The following WDFY4 variants were observed in gnomAD, a reference collection of about 807,000 sequenced individuals.
WDFY4 encodes WD repeat- and FYVE domain-containing protein 4.
Under a neutral mutation model 351.9 loss-of-function variants are expected in WDFY4, and 169 were observed. That is an observed-to-expected ratio of 0.48 (90% CI 0.42 to 0.55). WDFY4 has a LOEUF of 0.55. Among genes scored for constraint, WDFY4 ranks in the 20% least tolerant of loss-of-function variants. WDFY4 has a pLI of 0.00. For synonymous variants in WDFY4, 1,622 were observed against 1,574.6 expected, an observed-to-expected ratio of 1.03 and a Z score of -0.71; for missense variants, 3,803 against 3,935.6, an observed-to-expected ratio of 0.97 and a Z score of 0.90.
At chr10:48,701,672 G>T (rs2063484184) in intron 1 of WDFY4, among the ~76,000 whole-genome samples, 1 of 152,206 alleles carries the variant, frequency 6.6e-6, no homozygotes, top group Non-Finnish European at 1.5e-5. Context: ...GAAAGAGGAA[G>T]TGTGGTTAAG....
At chr10:48,845,903 G>A (rs1157344186) in intron 39 of WDFY4, among the ~76,000 whole-genome samples, 1 of 152,220 alleles carries the variant, frequency 6.6e-6, no homozygotes, top group Non-Finnish European at 1.5e-5. Flanking sequence ...GTAGGCAAGA[G>A]GGTACATGCA....
chr10:48,836,481 A>G (rs1056079344), intron 39 of WDFY4, among the ~76,000 whole-genome samples: 3 of 152,206 alleles, frequency 2.0e-5, no homozygotes, highest in African/African-American at 7.2e-5. Flanking sequence ...TGGAGGAAAC[A>G]TTATTCATTT....
intron 47 of WDFY4, among the ~76,000 whole-genome samples, chr10:48,902,519 A>G (rs1481140621): frequency 6.6e-6 from 1 of 152,020 alleles, no homozygotes; most frequent in African/African-American, 2.4e-5. Context: ...CATTCAAGAT[A>G]TTTATAATCA....
intron 13 of WDFY4, among the ~76,000 whole-genome samples, chr10:48,771,878 A>G (rs981665201): frequency 6.6e-6 from 1 of 152,206 alleles, no homozygotes; most frequent in African/African-American, 2.4e-5. Context: ...GAGGACTCCA[A>G]GAAAGCTCTT....
intron 19 of WDFY4, among the ~76,000 whole-genome samples, chr10:48,783,784 A>G (rs1330056696): frequency 6.6e-6 from 1 of 152,238 alleles, no homozygotes; most frequent in Non-Finnish European, 1.5e-5. Flanking sequence ...CCTAGGCTAT[A>G]AACCTAGACA....
At chr10:48,934,728 C>T (rs1379230796) in intron 47 of WDFY4, among the ~76,000 whole-genome samples, 3 of 152,180 alleles carry the variant, frequency 2.0e-5, no homozygotes, top group East Asian at 1.9e-4. Context: ...CCCTCCTGAA[C>T]GAAGAAGCAG....
intron 2 of WDFY4, among the ~76,000 whole-genome samples, chr10:48,714,427 A>C (rs1589437804): frequency 6.6e-6 from 1 of 152,352 alleles, no homozygotes; most frequent in South Asian, 2.1e-4. Context: ...CATGGAAGCA[A>C]CACAGAGCCA....
At chr10:48,824,049 G>A in intron 35 of WDFY4, 19 of 985,430 alleles carry the variant, frequency 1.9e-5, no homozygotes, top group Non-Finnish European at 2.2e-5. Flanking sequence ...TTCTTTTCAT[G>A]GAAGCCAAAC....
At chr10:48,693,511 G>T (rs887326811) in intron 1 of WDFY4, among the ~76,000 whole-genome samples, 10 of 152,186 alleles carry the variant, frequency 6.6e-5, no homozygotes, top group African/African-American at 2.2e-4. Flanking sequence ...ATTATTCCTG[G>T]TACATTAAGA....
chr10:48,775,526 C>T (rs979933928), intron 14 of WDFY4, among the ~76,000 whole-genome samples, 186 bp from the exon 15 acceptor site: 7 of 152,200 alleles, frequency 4.6e-5, no homozygotes, highest in African/African-American at 1.7e-4. Context: ...AACTTACCAG[C>T]TCTCTGGTCT....
chr10:48,789,779 GC>G lies in WDFY4; in HGVS notation c.3955-93del. On this transcript the variant is annotated intron_variant, in intron 21 of 61. Coordinates refer to ENST00000325239, the MANE Select transcript of WDFY4 (RefSeq NM_001394531.1). ...ATTGCTGATGGAGTGTCAGCACTGG[GC>G]CAGGCCCCAGAGGGCCTGCCCTCCA... The G allele has an allele frequency of 5.2e-6, 6 of 1,153,678 alleles. 1 individual carries two copies. The highest frequency in any genetic ancestry group is 7.6e-6 in the Non-Finnish European group (6 of 791,456). The allele number at this position is 1,153,678 out of a possible 1,614,324, so 71.5% of individuals were successfully genotyped here. A position where few individuals can be genotyped will look rare whatever the true frequency, so the allele number is the denominator to read the frequency against.
Position 48,726,119 on chromosome 10 carries a change from C to A in WDFY4, c.781+49C>A. ...GGGCTGTGGGCCATGCAAGGGCTTC[C>A]CTTGAACTCAGAGCAAAGGCTGAGG... On this transcript the variant is annotated intron_variant, in intron 6 of 61. Coordinates refer to ENST00000325239, the MANE Select transcript of WDFY4 (RefSeq NM_001394531.1). 2.0e-6 allele frequency: 3 copies of A among 1,510,856 alleles called. No individual in the cohort carries two copies. The South Asian group carries it at 3.7e-5, about 18-fold the overall frequency. 93.6% of individuals were successfully genotyped at this position (1,510,856 alleles called of 1,614,324 possible).
chr10:48,904,220 G>A (rs1017104476), intron 47 of WDFY4, among the ~76,000 whole-genome samples: 1 of 152,238 alleles, frequency 6.6e-6, no homozygotes, highest in African/African-American at 2.4e-5. Context: ...GTATGGTCCA[G>A]GGGACCCGGG....
intron 29 of WDFY4, among the ~76,000 whole-genome samples, chr10:48,811,250 A>G (rs569109841): frequency 2.0e-5 from 3 of 152,114 alleles, no homozygotes; most frequent in Non-Finnish European, 4.4e-5. Flanking sequence ...GGAATTCTGT[A>G]TATTTGGTTG....
intron 49 of WDFY4, among the ~76,000 whole-genome samples, chr10:48,943,670 G>T (rs938543201): frequency 8.6e-5 from 13 of 151,914 alleles, no homozygotes; most frequent in African/African-American, 2.9e-4. Flanking sequence ...TCTGCTCACC[G>T]CAACTTCCGC....
chr10:48,919,521 A>G (rs1450994539), intron 47 of WDFY4, among the ~76,000 whole-genome samples: 2 of 152,222 alleles, frequency 1.3e-5, no homozygotes, highest in Admixed American at 1.3e-4. Flanking sequence ...GTTGGCTTGT[A>G]AGCAACATAA....
intron 9 of WDFY4, 33 bp from the exon 10 acceptor site, chr10:48,733,898 A>G: frequency 1.3e-6 from 2 of 1,545,828 alleles, no homozygotes; most frequent in Non-Finnish European, 1.8e-6. Flanking sequence ...CATGTACTTA[A>G]TTTATTTTGT....
chr10:48,808,847 C>A (rs1401806469), intron 28 of WDFY4, among the ~76,000 whole-genome samples: 1 of 152,210 alleles, frequency 6.6e-6, no homozygotes, highest in Non-Finnish European at 1.5e-5. Context: ...GGGTTCGAAT[C>A]CTAGCCCTGT....
intron 6 of WDFY4, among the ~76,000 whole-genome samples, chr10:48,726,427 A>T (rs1276622925): frequency 6.6e-6 from 1 of 152,218 alleles, no homozygotes. Context: ...TAGAATGGGG[A>T]AAATAAACAT....
Sources: allele counts gnomAD v4.1 joint callset (sites outside exome capture counted in the v4.1 genomes callset), GRCh38; gene constraint gnomAD v4.1.1; transcripts MANE v1.5; gene names NCBI Gene and HGNC (gene_info 2026-07-23, HGNC 2026-07-21).